VTI1A: variants seen among roughly 807,000 people sequenced by gnomAD.
The protein encoded by VTI1A is vesicle transport through interaction with t-SNAREs homolog 1A.
VTI1A carries 22 observed loss-of-function variants against 34.9 expected under a neutral mutation model. That is an observed-to-expected ratio of 0.63 (90% CI 0.45 to 0.90). The LOEUF is 0.90. VTI1A is among the 40% of genes least tolerant of loss of function. The pLI is 0.00. For synonymous variants in VTI1A, 87 were observed against 97.3 expected (o/e 0.89, Z 0.62); for missense variants, 268 against 275.6 (o/e 0.97, Z 0.20).
intron 5 of VTI1A, among the ~76,000 whole-genome samples, chr10:112,660,012 G>T (rs952397207): frequency 6.6e-6 from 1 of 152,172 alleles, no homozygotes; most frequent in Non-Finnish European, 1.5e-5. Flanking sequence ...TATTCTGGGG[G>T]CAGGATGGGA....
At chr10:112,453,006 CTG>C (rs2134015831) in intron 1 of VTI1A, among the ~76,000 whole-genome samples, 1 of 152,282 alleles carries the variant, frequency 6.6e-6, no homozygotes, top group East Asian at 1.9e-4. Context: ...ATCTGGGACA[CTG>C]TAAAACATTT....
chr10:112,594,056 C>T (rs1380034698), intron 5 of VTI1A, among the ~76,000 whole-genome samples: 1 of 152,178 alleles, frequency 6.6e-6, no homozygotes, highest in Non-Finnish European at 1.5e-5. Context: ...ACTACAGGAG[C>T]CTGCCACCAT....
At chr10:112,542,357 T>C (rs1564819789) in intron 5 of VTI1A, among the ~76,000 whole-genome samples, 1 of 152,118 alleles carries the variant, frequency 6.6e-6, no homozygotes, top group Non-Finnish European at 1.5e-5. Flanking sequence ...TGTGAGAGTT[T>C]GTCTACACTC....
chr10:112,574,244 TCTA>T (rs1343347116), intron 5 of VTI1A, among the ~76,000 whole-genome samples: 3 of 152,236 alleles, frequency 2.0e-5, no homozygotes, highest in African/African-American at 7.2e-5. Context: ...AGAACTGACG[TCTA>T]CTAATTCTGT....
chr10:112,765,661 C>T (rs955478929), intron 7 of VTI1A, among the ~76,000 whole-genome samples: 3 of 152,164 alleles, frequency 2.0e-5, no homozygotes, highest in African/African-American at 7.2e-5. Context: ...GGGAAACAGA[C>T]ATTAATCAAA....
intron 7 of VTI1A, among the ~76,000 whole-genome samples, chr10:112,688,326 A>T (rs1848497150): frequency 6.6e-6 from 1 of 152,096 alleles, no homozygotes; most frequent in Admixed American, 6.5e-5. Context: ...TTTAAAGAAA[A>T]GGAAAAAAAA....
chr10:112,696,612 A>C (rs941344483), intron 7 of VTI1A, among the ~76,000 whole-genome samples: 1 of 152,226 alleles, frequency 6.6e-6, no homozygotes. Flanking sequence ...TAAACTAAGA[A>C]AACCTATGAG....
intron 4 of VTI1A, among the ~76,000 whole-genome samples, chr10:112,534,468 G>T (rs1450198017): frequency 6.6e-6 from 1 of 151,810 alleles, no homozygotes; most frequent in Non-Finnish European, 1.5e-5. Flanking sequence ...AGTTTAATTT[G>T]ACTGCATTGA....
At chr10:112,746,582 C>T (rs1442478478) in intron 7 of VTI1A, among the ~76,000 whole-genome samples, 1 of 152,110 alleles carries the variant, frequency 6.6e-6, no homozygotes, top group Non-Finnish European at 1.5e-5. Context: ...AGGGAAGTGG[C>T]AGAAACTGTG....
chr10:112,779,119 A>G (rs1852039431), intron 7 of VTI1A, among the ~76,000 whole-genome samples: 1 of 152,230 alleles, frequency 6.6e-6, no homozygotes, highest in Non-Finnish European at 1.5e-5. Flanking sequence ...AAGGGTACAC[A>G]TACTTCCAGT....
chr10:112,852,068 T>C, the VTI1A span, among the ~76,000 whole-genome samples: 2 of 152,308 alleles, frequency 1.3e-5, no homozygotes, highest in Admixed American at 1.3e-4. Flanking sequence ...ACCAGGAAGC[T>C]CTAAGCTAAA....
chr10:112,784,409 AG>A (rs1405077671), intron 7 of VTI1A, among the ~76,000 whole-genome samples: 1 of 152,228 alleles, frequency 6.6e-6, no homozygotes, highest in East Asian at 1.9e-4. Flanking sequence ...AGTGTTCTGA[AG>A]TGCTGTTCAG....
intron 5 of VTI1A, among the ~76,000 whole-genome samples, chr10:112,615,887 G>A (rs1845497261): frequency 6.6e-6 from 1 of 152,078 alleles, no homozygotes; most frequent in Non-Finnish European, 1.5e-5. Context: ...AAGGTAGAGT[G>A]TGCTAGGAAT....
intron 5 of VTI1A, among the ~76,000 whole-genome samples, chr10:112,632,950 T>C (rs1321532330): frequency 6.6e-6 from 1 of 152,258 alleles, no homozygotes; most frequent in Admixed American, 6.5e-5. Flanking sequence ...TTGTAAGTTA[T>C]TTTCCTGTAT....
chr10:112,849,139 G>C, the VTI1A span, among the ~76,000 whole-genome samples: 4 of 152,312 alleles, frequency 2.6e-5, no homozygotes, highest in East Asian at 5.8e-4. Context: ...AGTTACAAAA[G>C]TTATCAACAC....
In VTI1A at chr10:112,719,943, TC is replaced by T. The variant is rs201659958; in HGVS notation, c.560+50947del. On this transcript the variant is annotated intron_variant, in intron 7 of 7. Coordinates refer to ENST00000393077, the MANE Select transcript of VTI1A (RefSeq NM_145206.4). ...AGCCCCTGACATCCACTAGTATACTTCCTGTCTCTATAGATTTGCCTATTCT... is the reference window on the plus strand; with the variant it reads ...AGCCCCTGACATCCACTAGTATACTTCTGTCTCTATAGATTTGCCTATTCT... 6.7e-3 allele frequency among the ~76,000 whole-genome samples: 1,025 copies of T among 152,278 alleles called. 11 individuals are homozygous for T. Among genetic ancestry groups the T allele is most frequent in the African/African-American group, 0.023 (965 of 41,544 alleles).
intron 2 of VTI1A, among the ~76,000 whole-genome samples, chr10:112,462,605 A>C (rs1847761773): frequency 6.6e-6 from 1 of 152,210 alleles, no homozygotes; most frequent in Admixed American, 6.5e-5. Context: ...CTTCTCATTT[A>C]TGTTGAGACA....
intron 7 of VTI1A, among the ~76,000 whole-genome samples, chr10:112,696,282 G>T (rs564637061): frequency 6.6e-6 from 1 of 152,114 alleles, no homozygotes; most frequent in African/African-American, 2.4e-5. Context: ...AGTTCTAGCT[G>T]GTTCTGAGGA....
intron 5 of VTI1A, among the ~76,000 whole-genome samples, chr10:112,568,261 C>T (rs951506037): frequency 2.6e-5 from 4 of 152,122 alleles, no homozygotes; most frequent in Admixed American, 2.6e-4. Context: ...AATCCCAGCA[C>T]TTTGAGAGGC....
Sources: gnomAD v4.1 joint callset for allele counts (sites outside exome capture counted in the v4.1 genomes callset) on GRCh38, gnomAD v4.1.1 for gene constraint, MANE v1.5 for transcripts, NCBI Gene and HGNC (gene_info 2026-07-23, HGNC 2026-07-21) for gene names.